DTNA: variants seen among roughly 807,000 people sequenced by gnomAD.
The protein encoded by DTNA is dystrophin-related protein 3.
A neutral mutation model predicts 100.7 loss-of-function variants in DTNA; 43 were observed. The ratio of observed to expected loss-of-function variants is 0.43; its 90% CI spans 0.33 to 0.55. The LOEUF is 0.55. Among genes scored for constraint, DTNA ranks in the 20% least tolerant of loss-of-function variants. DTNA has a pLI of 0.04. For missense variants in DTNA, 798 were observed against 953.9 expected (o/e 0.84, Z 2.15); for synonymous variants, 349 against 347.9 (o/e 1.00, Z -0.04).
At chr18:34,871,932 C>A (rs894281022) in intron 17 of DTNA, among the ~76,000 whole-genome samples, 7 of 152,226 alleles carry the variant, frequency 4.6e-5, no homozygotes, top group African/African-American at 1.7e-4. Flanking sequence ...TTCTCTTCAG[C>A]ACAGGATCTT....
rs1429715770 is a variant in DTNA at position 34,582,193 on chromosome 18, A to C, written c.-2+88679A>C. Among the ~76,000 whole-genome samples, 11 of 152,032 alleles carry C rather than the reference A, an allele frequency of 7.2e-5. No homozygotes were observed. The East Asian group carries it at 1.6e-3, about 21-fold the overall frequency. On this transcript the variant is annotated intron_variant, in intron 1 of 19. Transcript: ENST00000283365. ...TGTCCTGTATCTGAAAGGGCCTTGC[A>C]CTAAGGTGTGTGTGAACACCTTAGC...
At chr18:34,545,153 A>G (rs1601687021) in intron 1 of DTNA, among the ~76,000 whole-genome samples, 1 of 152,072 alleles carries the variant, frequency 6.6e-6, no homozygotes, top group East Asian at 1.9e-4. Context: ...GGAAGGGGAC[A>G]TAGGGAAGTA....
chr18:34,882,777 G>C (rs1490074649), intron 21 of DTNA, among the ~76,000 whole-genome samples: 1 of 152,118 alleles, frequency 6.6e-6, no homozygotes, highest in Admixed American at 6.5e-5. Context: ...ACTCTTTCAG[G>C]CCCATTAAGA....
chr18:34,545,154 T>C (rs2145820359), intron 1 of DTNA, among the ~76,000 whole-genome samples: 1 of 151,956 alleles, frequency 6.6e-6, no homozygotes, highest in East Asian at 1.9e-4. Context: ...GAAGGGGACA[T>C]AGGGAAGTAT....
rs1180226579 is a variant in DTNA, at chr18:34,879,696, C to T, written c.2139C>T (p.Thr713=). 6.2e-7 allele frequency: 1 copy of T among 1,613,984 alleles called. No individual in the cohort carries two copies. Among genetic ancestry groups the T allele is most frequent in the East Asian group, 2.2e-5 (1 of 44,864 alleles). ...CTGGGTACATTCACAGTGGAGCTAC[C>T]ACAAGTACCATGCGTGGCGACATGT... ...RKPGYIHSGA[T]TSTMRGDMVT... is the part of the protein sequence containing the mutation. Residue 713 remains threonine (T), a synonymous_variant, in exon 20 of 23, where the codon ACC becomes ACT. Coordinates refer to ENST00000444659, the MANE Select transcript of DTNA (RefSeq NM_001386795.1).
chr18:34,838,084 TATTA>T lies in DTNA; in HGVS notation c.1176-8_1176-5del. On this transcript the variant is annotated splice_region_variant and splice_polypyrimidine_tract_variant and intron_variant, in intron 11 of 22. Transcript: ENST00000444659. ...TACGCTCTTCTTGGCTTTCCCATCT[TATTA>T]ACTAGCTCTCCTCCCAAGGACAGTG... 2 of 1,613,658 alleles carry T rather than the reference TATTA, an allele frequency of 1.2e-6. No individual in the cohort carries two copies. The highest frequency in any genetic ancestry group is 1.7e-6 in the Non-Finnish European group (2 of 1,179,704).
chr18:34,838,517 T>G (rs1038435338), intron 12 of DTNA, among the ~76,000 whole-genome samples: 3 of 152,236 alleles, frequency 2.0e-5, no homozygotes, highest in Admixed American at 6.5e-5. Flanking sequence ...TTCTAAAACT[T>G]TATTTAACCT....
At chr18:34,867,612 C>A (rs2150213474) in intron 17 of DTNA, 1 of 1,010,024 alleles carries the variant, frequency 9.9e-7, no homozygotes, top group East Asian at 9.3e-5. Flanking sequence ...TTATAACCTC[C>A]CTCCTCCTAG....
chr18:34,744,879 G>T (rs1419343448), intron 1 of DTNA, among the ~76,000 whole-genome samples: 1 of 152,062 alleles, frequency 6.6e-6, no homozygotes, highest in Non-Finnish European at 1.5e-5. Context: ...TCATACAATT[G>T]CATTTTGGTT....
At chr18:34,664,339 A>G (rs1019176341) in intron 1 of DTNA, among the ~76,000 whole-genome samples, 2 of 152,104 alleles carry the variant, frequency 1.3e-5, no homozygotes, top group African/African-American at 4.8e-5. Context: ...TATTTTATTT[A>G]TGTCACATGT....
Position 34,838,735 on chromosome 18 carries a change from C to G in DTNA, c.1254-10C>G, listed in dbSNP as rs1383780552. On this transcript the variant is annotated splice_polypyrimidine_tract_variant and intron_variant, in intron 12 of 22. Coordinates refer to ENST00000444659, the MANE Select transcript of DTNA (RefSeq NM_001386795.1). ...AACAACACGCTTTCTTTCCCCCTGCCCTGTTTCAGGATACAGTACAGCCTG... is the reference window on the plus strand; with the variant it reads ...AACAACACGCTTTCTTTCCCCCTGCGCTGTTTCAGGATACAGTACAGCCTG... 1.9e-6 allele frequency: 3 copies of G among 1,611,680 alleles called. No homozygotes were observed. Among genetic ancestry groups the G allele is most frequent in the South Asian group, 2.2e-5 (2 of 91,028 alleles).
At chr18:34,863,932 A>G in intron 16 of DTNA, 34 bp from the exon 17 acceptor site, 2 of 1,577,764 alleles carry the variant, frequency 1.3e-6, no homozygotes, top group Non-Finnish European at 1.7e-6. Flanking sequence ...AGAGAGTTGC[A>G]TGCCGCTTCT....
At chr18:34,820,307 G>A (rs1274206193) in intron 8 of DTNA, among the ~76,000 whole-genome samples, 1 of 152,106 alleles carries the variant, frequency 6.6e-6, no homozygotes. Context: ...TTAAGTGAGA[G>A]CAGTCCTTCT....
intron 1 of DTNA, among the ~76,000 whole-genome samples, chr18:34,530,742 AG>A (rs1435067510): frequency 6.6e-6 from 1 of 152,132 alleles, no homozygotes; most frequent in African/African-American, 2.4e-5. Flanking sequence ...GATTGCTTGA[AG>A]TCACACTAAA....
intron 1 of DTNA, among the ~76,000 whole-genome samples, chr18:34,597,107 G>C (rs931322449): frequency 6.6e-6 from 1 of 152,066 alleles, no homozygotes; most frequent in Non-Finnish European, 1.5e-5. Context: ...GTGGTGTTCG[G>C]TTTTCTGTTC....
At chr18:34,536,611 A>G (rs916298314) in intron 1 of DTNA, among the ~76,000 whole-genome samples, 2 of 151,896 alleles carry the variant, frequency 1.3e-5, no homozygotes, top group Non-Finnish European at 2.9e-5. Flanking sequence ...TAGTTTTACT[A>G]TAATGTAAAG....
At chr18:34,510,918 G>A (rs2041014589) in intron 1 of DTNA, among the ~76,000 whole-genome samples, 1 of 151,880 alleles carries the variant, frequency 6.6e-6, no homozygotes, top group South Asian at 2.1e-4. Flanking sequence ...TGCAGCTGAC[G>A]GTAACAACCA....
chr18:34,888,125 G>A lies in DTNA; in HGVS notation c.*391G>A, dbSNP rs747955738. 3 of 985,728 alleles carry A rather than the reference G, an allele frequency of 3.0e-6. No individual in the cohort carries two copies. The highest frequency in any genetic ancestry group is 1.7e-5 in the African/African-American group (1 of 57,220). 61.1% of individuals were successfully genotyped at this position (985,728 alleles called of 1,614,324 possible). Reference sequence around the variant, plus strand: ...CATGCTGCTGTTATACACAATGGCAGTATTAACAAGCATTTTAAACCTTTG... The same window carrying A: ...CATGCTGCTGTTATACACAATGGCAATATTAACAAGCATTTTAAACCTTTG... On this transcript the variant is annotated 3_prime_UTR_variant, in exon 23 of 23. Transcript: ENST00000444659.
At chr18:34,849,804 T>G (rs1313307322) in intron 14 of DTNA, among the ~76,000 whole-genome samples, 1 of 152,266 alleles carries the variant, frequency 6.6e-6, no homozygotes, top group East Asian at 1.9e-4. Flanking sequence ...ATTACTCTGC[T>G]GCTTCGGACA....
Sources: gnomAD v4.1 joint callset for allele counts (sites outside exome capture counted in the v4.1 genomes callset) on GRCh38, gnomAD v4.1.1 for gene constraint, MANE v1.5 for transcripts, NCBI Gene and HGNC (gene_info 2026-07-23, HGNC 2026-07-21) for gene names.